Variants in PRKG1 observed in about 807,000 individuals in gnomAD.
The protein encoded by PRKG1 is cGMP-dependent protein kinase 1.
Under a neutral mutation model 88.1 loss-of-function variants are expected in PRKG1, and 35 were observed. The ratio of observed to expected loss-of-function variants is 0.40; its 90% CI spans 0.30 to 0.53. The LOEUF is 0.53. Ranked by LOEUF, PRKG1 falls within the 20% of genes least tolerant of loss-of-function variation. The pLI is 0.59. For missense variants in PRKG1, 540 were observed against 839.8 expected, an observed-to-expected ratio of 0.64 and a Z score of 4.41; for synonymous variants, 303 against 292.5, an observed-to-expected ratio of 1.04 and a Z score of -0.37.
chr10:51,936,503 TGTACCTAGAG>T (rs1245022093), intron 5 of PRKG1, among the ~76,000 whole-genome samples: 1 of 152,082 alleles, frequency 6.6e-6, no homozygotes, highest in Non-Finnish European at 1.5e-5. Flanking sequence ...TAACTGGATT[TGTACCTAGAG>T]GTAGTGAAAT....
At chr10:51,776,592 A>G (rs1032051578) in intron 3 of PRKG1, among the ~76,000 whole-genome samples, 2 of 152,196 alleles carry the variant, frequency 1.3e-5, no homozygotes, top group African/African-American at 4.8e-5. Flanking sequence ...TGCAAAGCCA[A>G]GGTGGGCAGA....
intron 5 of PRKG1, among the ~76,000 whole-genome samples, chr10:51,999,276 A>G (rs945042346): frequency 6.6e-6 from 1 of 152,162 alleles, no homozygotes; most frequent in African/African-American, 2.4e-5. Flanking sequence ...ATTGTCCGGG[A>G]CAGAACTACA....
intron 2 of PRKG1, among the ~76,000 whole-genome samples, chr10:51,326,169 A>C (rs574135714): frequency 6.6e-6 from 1 of 152,216 alleles, no homozygotes; most frequent in Admixed American, 6.5e-5. Flanking sequence ...TCTATTAAAG[A>C]ACTTAGATAC....
chr10:51,342,823 T>C (rs1842031595), intron 2 of PRKG1, among the ~76,000 whole-genome samples: 1 of 152,212 alleles, frequency 6.6e-6, no homozygotes, highest in African/African-American at 2.4e-5. Context: ...ATATGAAGAA[T>C]AACAAACATT....
At chr10:51,236,870 A>G (rs1839007667) in intron 2 of PRKG1, among the ~76,000 whole-genome samples, 1 of 152,168 alleles carries the variant, frequency 6.6e-6, no homozygotes, top group Non-Finnish European at 1.5e-5. Context: ...TAACCTACAT[A>G]AAGAAGCAAC....
At chr10:51,275,119 A>G (rs1330279481) in intron 2 of PRKG1, among the ~76,000 whole-genome samples, 5 of 152,214 alleles carry the variant, frequency 3.3e-5, no homozygotes, top group Non-Finnish European at 5.9e-5. Flanking sequence ...GTTCTCTAAG[A>G]GTGGAAAGGG....
intron 3 of PRKG1, among the ~76,000 whole-genome samples, chr10:51,653,812 C>A (rs916417415): frequency 2.6e-5 from 4 of 152,328 alleles, no homozygotes; most frequent in African/African-American, 9.6e-5. Flanking sequence ...AAGTGATCCA[C>A]CTGCCTTGGC....
At chr10:51,936,471 C>T (rs914718021) in intron 5 of PRKG1, among the ~76,000 whole-genome samples, 13 of 152,062 alleles carry the variant, frequency 8.5e-5, no homozygotes, top group African/African-American at 3.1e-4. Context: ...ATGACAATGT[C>T]CTTAAATTTT....
intron 7 of PRKG1, among the ~76,000 whole-genome samples, chr10:52,102,065 T>C (rs1847305767): frequency 6.6e-6 from 1 of 152,156 alleles, no homozygotes; most frequent in Admixed American, 6.5e-5. Flanking sequence ...TATGGATGCA[T>C]AACAAAAAGG....
At chr10:51,672,425 C>A (rs1046486540) in intron 3 of PRKG1, among the ~76,000 whole-genome samples, 1 of 151,658 alleles carries the variant, frequency 6.6e-6, no homozygotes, top group Admixed American at 6.6e-5. Flanking sequence ...CTTTTTATTT[C>A]TAGAATTTCT....
At chr10:52,282,882 T>TA (rs771302506) in intron 14 of PRKG1, among the ~76,000 whole-genome samples, 1 of 152,058 alleles carries the variant, frequency 6.6e-6, no homozygotes, top group Non-Finnish European at 1.5e-5. Context: ...ACAGGGGTGT[T>TA]ATGACCTACA....
At chr10:51,672,829 T>C (rs927977736) in intron 3 of PRKG1, among the ~76,000 whole-genome samples, 1 of 152,208 alleles carries the variant, frequency 6.6e-6, no homozygotes, top group African/African-American at 2.4e-5. Flanking sequence ...CACATTTAAT[T>C]TTATACCCTG....
intron 3 of PRKG1, among the ~76,000 whole-genome samples, chr10:51,747,191 C>A (rs1164385416): frequency 1.3e-5 from 2 of 152,204 alleles, no homozygotes; most frequent in African/African-American, 4.8e-5. Context: ...AAGAATTCAA[C>A]ATCAGCCATA....
intron 3 of PRKG1, among the ~76,000 whole-genome samples, chr10:51,640,038 G>A (rs1358750840): frequency 6.6e-6 from 1 of 152,162 alleles, no homozygotes; most frequent in Non-Finnish European, 1.5e-5. Flanking sequence ...AAGAGGTAAT[G>A]CACCAAAAGC....
intron 8 of PRKG1, among the ~76,000 whole-genome samples, chr10:52,137,777 T>C (rs1438662925): frequency 6.6e-6 from 1 of 152,144 alleles, no homozygotes; most frequent in Non-Finnish European, 1.5e-5. Flanking sequence ...ATCTTTTTGA[T>C]CTACAGTTAG....
rs1214294976 is a variant in PRKG1 at position 51,628,069 on chromosome 10, CTTCT to C, written c.592+160249_592+160252del. 3.1e-3 allele frequency among the ~76,000 whole-genome samples: 369 copies of C among 117,554 alleles called. 2 individuals carry two copies. The highest frequency in any genetic ancestry group is 0.012 in the South Asian group (42 of 3,470). The allele number at this position is 117,554 out of a possible 152,430, so 77.1% of individuals were successfully genotyped here. The stretch of plus-strand genomic sequence containing the variant: ...TTCTTTCCTTTCCTTTCTTTCTTTC[CTTCT>C]TTCTTTCTTTCTTTCCTTCCTTCCC... On this transcript the variant is annotated intron_variant, in intron 3 of 17. Transcript: ENST00000373980.
chr10:51,062,393 G>T (rs1251100123), intron 1 of PRKG1, among the ~76,000 whole-genome samples: 1 of 152,170 alleles, frequency 6.6e-6, no homozygotes, highest in Middle Eastern at 3.4e-3. Context: ...ACTGAATGTT[G>T]GGCTGATATC....
At chr10:51,535,552 A>C (rs1842124377) in intron 3 of PRKG1, among the ~76,000 whole-genome samples, 1 of 152,178 alleles carries the variant, frequency 6.6e-6, no homozygotes, top group East Asian at 1.9e-4. Flanking sequence ...TGTTATAAGA[A>C]AGTCGTTTTA....
chr10:51,781,893 A>T (rs1337816880), intron 3 of PRKG1, among the ~76,000 whole-genome samples: 1 of 143,750 alleles, frequency 7.0e-6, no homozygotes. Context: ...GTACTTATTA[A>T]TTTTTTCTTT....
Sources: gnomAD v4.1 joint callset for allele counts (sites outside exome capture counted in the v4.1 genomes callset) on GRCh38, gnomAD v4.1.1 for gene constraint, MANE v1.5 for transcripts, NCBI Gene and HGNC (gene_info 2026-07-23, HGNC 2026-07-21) for gene names.